Variants in CFAP61 observed in about 807,000 individuals in gnomAD.
CFAP61 encodes cilia and flagella associated protein 61.
A neutral mutation model predicts 135.6 loss-of-function variants in CFAP61; 107 were observed. The observed-to-expected ratio is 0.79, with a 90% CI of 0.67 to 0.93. CFAP61 has a LOEUF of 0.93. Among genes scored for constraint, CFAP61 ranks in the 40% least tolerant of loss-of-function variants. The pLI is 0.00. For synonymous variants in CFAP61, 575 were observed against 578.5 expected (o/e 0.99, Z 0.09); for missense variants, 1,507 against 1,556.2 (o/e 0.97, Z 0.53).
At chr20:20,105,377 C>A (rs1205497313) in intron 8 of CFAP61, among the ~76,000 whole-genome samples, 2 of 152,104 alleles carry the variant, frequency 1.3e-5, no homozygotes, top group African/African-American at 4.8e-5. Context: ...AGTGGCCACA[C>A]AGCAATATTA....
intron 22 of CFAP61, among the ~76,000 whole-genome samples, chr20:20,287,424 A>G (rs2054667638): frequency 6.6e-6 from 1 of 152,360 alleles, no homozygotes; most frequent in African/African-American, 2.4e-5. Context: ...CTAACTGAGC[A>G]CTTAAAATGG....
chr20:20,237,851 C>T (rs957604992), intron 18 of CFAP61, among the ~76,000 whole-genome samples: 11 of 152,206 alleles, frequency 7.2e-5, no homozygotes, highest in Admixed American at 7.2e-4. Context: ...GCACCTTCCC[C>T]GTTTTCTGAA....
At chr20:20,273,637 T>C (rs1279069705) in intron 21 of CFAP61, among the ~76,000 whole-genome samples, 1 of 152,254 alleles carries the variant, frequency 6.6e-6, no homozygotes, top group Non-Finnish European at 1.5e-5. Flanking sequence ...GTGGTGATAA[T>C]TACAGTCACA....
chr20:20,279,678 A>C (rs1410305235), intron 22 of CFAP61, among the ~76,000 whole-genome samples: 2 of 152,266 alleles, frequency 1.3e-5, no homozygotes, highest in East Asian at 3.9e-4. Context: ...CTGTAACCTC[A>C]ACTGTCTTGA....
At chr20:20,272,045 G>A (rs1475925311) in intron 21 of CFAP61, among the ~76,000 whole-genome samples, 1 of 152,140 alleles carries the variant, frequency 6.6e-6, no homozygotes, top group East Asian at 1.9e-4. Context: ...AGGTATACAT[G>A]AATTAAATTC....
chr20:20,098,912 T>C lies in CFAP61; in HGVS notation c.859+98T>C, dbSNP rs1405576378. ...TGATGGAACTAGATAGGATGCTTTATATTTCCTTCCCCAGTTCCCCTTAAG... is the reference window on the plus strand; with the variant it reads ...TGATGGAACTAGATAGGATGCTTTACATTTCCTTCCCCAGTTCCCCTTAAG... On this transcript the variant is annotated intron_variant, in intron 8 of 26. Transcript: ENST00000245957. 2.7e-6 allele frequency: 3 copies of C among 1,114,258 alleles called. No individual in the cohort carries two copies. In the East Asian group the frequency reaches 7.8e-5, roughly 29 times the overall value. 69.0% of individuals were successfully genotyped at this position (1,114,258 alleles called of 1,614,324 possible).
chr20:20,288,982 T>G, intron 23 of CFAP61, 46 bp downstream of exon 23: 1 of 1,512,174 alleles, frequency 6.6e-7, no homozygotes, highest in Non-Finnish European at 9.1e-7. Context: ...ACAGATTAGG[T>G]ATGGCTCAGC....
intron 26 of CFAP61, 57 bp from the exon 27 acceptor site, chr20:20,360,153 T>C (rs1321682577): frequency 5.3e-6 from 7 of 1,309,246 alleles, no homozygotes; most frequent in Admixed American, 1.7e-5. Context: ...AAACTGCCGT[T>C]ACAACTGTGC....
chr20:20,225,026 C>T (rs917665410), intron 17 of CFAP61, among the ~76,000 whole-genome samples: 2 of 152,118 alleles, frequency 1.3e-5, no homozygotes, highest in Non-Finnish European at 2.9e-5. Flanking sequence ...GAAAAGCTGG[C>T]TTGACTCATA....
chr20:20,075,740 G>A (rs192508749), intron 6 of CFAP61, 125 bp downstream of exon 6: 608 of 947,088 alleles, frequency 6.4e-4, no homozygotes, highest in Middle Eastern at 2.3e-3. Flanking sequence ...ATACTCATAA[G>A]CATTACTTCA....
At chr20:20,063,313 A>G (rs1029425708) in intron 2 of CFAP61, among the ~76,000 whole-genome samples, 2 of 152,076 alleles carry the variant, frequency 1.3e-5, no homozygotes, top group African/African-American at 2.4e-5. Flanking sequence ...TCACATAGAA[A>G]GAGAAATGAA....
intron 17 of CFAP61, among the ~76,000 whole-genome samples, chr20:20,227,810 C>A (rs2048849626): frequency 6.6e-6 from 1 of 152,220 alleles, no homozygotes; most frequent in Non-Finnish European, 1.5e-5. Flanking sequence ...TAAAACTTGT[C>A]TTCAAGTACC....
chr20:20,138,994 A>C (rs555993822), intron 8 of CFAP61, among the ~76,000 whole-genome samples: 1 of 152,060 alleles, frequency 6.6e-6, no homozygotes, highest in Non-Finnish European at 1.5e-5. Flanking sequence ...CTTTTTGTTC[A>C]TCTTTCTTAA....
At chr20:20,296,330 T>TTC (rs1601871819) in intron 24 of CFAP61, among the ~76,000 whole-genome samples, 2 of 39,524 alleles carry the variant, frequency 5.1e-5, no homozygotes, top group African/African-American at 9.1e-5. Flanking sequence ...TTCCTTCCCT[T>TTC]CCTTCCTTCC....
chr20:20,275,276 A>G (rs2053661676), intron 21 of CFAP61, among the ~76,000 whole-genome samples: 1 of 152,170 alleles, frequency 6.6e-6, no homozygotes, highest in South Asian at 2.1e-4. Flanking sequence ...ACCACCCACA[A>G]CGTGCTTCTT....
At chr20:20,081,668 T>C (rs1418076132) in intron 6 of CFAP61, among the ~76,000 whole-genome samples, 1 of 152,188 alleles carries the variant, frequency 6.6e-6, no homozygotes, top group Non-Finnish European at 1.5e-5. Context: ...TTCCTTCTTT[T>C]CTTCCATTTT....
At chr20:20,350,002 G>A (rs2058774055) in intron 26 of CFAP61, among the ~76,000 whole-genome samples, 1 of 152,202 alleles carries the variant, frequency 6.6e-6, no homozygotes, top group South Asian at 2.1e-4. Context: ...CAGTAACCAA[G>A]ACAGTGTGGT....
At chr20:20,272,337 G>A (rs1201954524) in intron 21 of CFAP61, among the ~76,000 whole-genome samples, 1 of 152,170 alleles carries the variant, frequency 6.6e-6, no homozygotes, top group Non-Finnish European at 1.5e-5. Flanking sequence ...CTACTCAGGA[G>A]GCTGAAGCAT....
intron 22 of CFAP61, among the ~76,000 whole-genome samples, chr20:20,282,689 A>T (rs1241347619): frequency 6.6e-6 from 1 of 152,226 alleles, no homozygotes; most frequent in Non-Finnish European, 1.5e-5. Context: ...CTGTAATCCC[A>T]GCACATTGGG....
Sources: gnomAD v4.1 joint callset for allele counts (sites outside exome capture counted in the v4.1 genomes callset) on GRCh38, gnomAD v4.1.1 for gene constraint, MANE v1.5 for transcripts, NCBI Gene and HGNC (gene_info 2026-07-23, HGNC 2026-07-21) for gene names.